Variants in CSMD1 observed in about 807,000 individuals in gnomAD.
CSMD1 encodes CUB and sushi domain-containing protein 1.
CSMD1 carries 213 observed loss-of-function variants against 417.5 expected under a neutral mutation model. The ratio of observed to expected loss-of-function variants is 0.51; its 90% confidence interval spans 0.46 to 0.57. The LOEUF (loss-of-function observed/expected upper bound fraction) is 0.57. Ranked by LOEUF, CSMD1 falls within the 20% of genes least tolerant of loss-of-function variation. The probability of loss-of-function intolerance (pLI) is 0.00; values close to 1 mark genes in which losing one functional copy is unlikely to be tolerated. For missense variants in CSMD1, 6,923 were observed against 4,529.7 expected (o/e 1.53, Z -15.17); for synonymous variants, 2,862 against 1,736.8 (o/e 1.65, Z -16.11).
chr8:3,238,144 G>C (rs1799272804), intron 26 of CSMD1, among the ~76,000 whole-genome samples: 1 of 151,858 alleles, frequency 6.6e-6, no homozygotes, highest in Non-Finnish European at 1.5e-5. Context: ...GGTACGTAAA[G>C]GAAAATTACA....
chr8:3,358,468 T>C (rs908063833), intron 21 of CSMD1, among the ~76,000 whole-genome samples: 1 of 152,212 alleles, frequency 6.6e-6, no homozygotes, highest in African/African-American at 2.4e-5. Flanking sequence ...ACGATTCTCC[T>C]TTGCTAAACT....
intron 3 of CSMD1, among the ~76,000 whole-genome samples, chr8:4,125,238 C>A (rs1023007702): frequency 6.6e-6 from 1 of 152,192 alleles, no homozygotes; most frequent in Non-Finnish European, 1.5e-5. Flanking sequence ...TAGGGCCAAC[C>A]TGCCTCCCAT....
chr8:4,101,131 C>T (rs1801283141), intron 3 of CSMD1, among the ~76,000 whole-genome samples: 1 of 152,186 alleles, frequency 6.6e-6, no homozygotes, highest in Non-Finnish European at 1.5e-5. Flanking sequence ...TTAAGGGCCT[C>T]AGCAGGACAC....
chr8:4,950,082 TATAA>T (rs1172760895), intron 1 of CSMD1, among the ~76,000 whole-genome samples: 4 of 148,836 alleles, frequency 2.7e-5, no homozygotes, highest in African/African-American at 9.8e-5. Flanking sequence ...AATATTTCTC[TATAA>T]ATATTTATAA....
At chr8:3,216,459 T>A (rs370910256) in intron 29 of CSMD1, among the ~76,000 whole-genome samples, 31 of 152,354 alleles carry the variant, frequency 2.0e-4, no homozygotes, top group African/African-American at 4.6e-4. Flanking sequence ...GTTGCTCTTG[T>A]GTCCTTTTTG....
intron 1 of CSMD1, among the ~76,000 whole-genome samples, chr8:4,865,630 T>A (rs1417397409): frequency 2.0e-5 from 3 of 151,942 alleles, no homozygotes; most frequent in Non-Finnish European, 2.9e-5. Flanking sequence ...TACGAAGATC[T>A]AAGTACAATG....
At chr8:3,426,743 G>C (rs186387162) in intron 12 of CSMD1, among the ~76,000 whole-genome samples, 1 of 152,208 alleles carries the variant, frequency 6.6e-6, no homozygotes, top group East Asian at 1.9e-4. Context: ...CTAAAATGTA[G>C]GCCTGACATA....
intron 1 of CSMD1, among the ~76,000 whole-genome samples, chr8:4,742,456 G>C (rs572967717): frequency 2.0e-5 from 3 of 152,080 alleles, no homozygotes; most frequent in Non-Finnish European, 2.9e-5. Flanking sequence ...GAGGTATTTG[G>C]TGTTTACTTT....
chr8:3,000,100 C>A lies in CSMD1; in HGVS notation c.8061G>T (p.Val2687=). The change falls in exon 53 of 70, where the codon GTG becomes GTT. Residue 2687 remains valine (V), a synonymous_variant. Transcript: ENST00000635120. The part of the protein sequence containing the change: ...AGHCGSPDPI[V]NGHISGDGFS... Reference sequence around the variant, plus strand: ...AGCCATCTCCACTAATGTGACCGTTCACAATCGGGTCTGGGGAACCGCAGT... The same window carrying A: ...AGCCATCTCCACTAATGTGACCGTTAACAATCGGGTCTGGGGAACCGCAGT... 1.9e-6 allele frequency: 3 copies of A among 1,572,156 alleles called. No homozygotes were observed. The highest frequency in any genetic ancestry group is 1.2e-5 in the South Asian group (1 of 85,254).
At chr8:3,463,611 A>T (rs552648385) in intron 12 of CSMD1, among the ~76,000 whole-genome samples, 115 of 152,300 alleles carry the variant, frequency 7.6e-4, no homozygotes, top group African/African-American at 2.7e-3. Flanking sequence ...TTCTACAAGG[A>T]CCAGTGAGCT....
chr8:4,454,484 C>A (rs537126936), intron 2 of CSMD1, among the ~76,000 whole-genome samples: 6 of 152,154 alleles, frequency 3.9e-5, no homozygotes, highest in Non-Finnish European at 8.8e-5. Flanking sequence ...TATTTTGTTC[C>A]CCTAGTCACA....
chr8:4,287,328 A>G (rs911916187), intron 3 of CSMD1, among the ~76,000 whole-genome samples: 10 of 152,218 alleles, frequency 6.6e-5, no homozygotes, highest in African/African-American at 9.6e-5. Context: ...CATCTGGAGA[A>G]GTTACTTTAA....
rs183908933 is a variant in CSMD1 at position 3,592,016 on chromosome 8, G to T, written c.1098-5756C>A. On this transcript the variant is annotated intron_variant, in intron 8 of 69. Transcript: ENST00000635120. ...AAGACGGATGGATAGATGATAGGTAGATAGATACATAAATAGATGACAGAC... is the reference window on the plus strand; with the variant it reads ...AAGACGGATGGATAGATGATAGGTATATAGATACATAAATAGATGACAGAC... Among the ~76,000 whole-genome samples the T allele has an allele frequency of 2.1e-4, 32 of 152,186 alleles. No individual in the cohort carries two copies. The East Asian group carries it at 5.0e-3, about 24-fold the overall frequency.
chr8:3,892,958 A>G (rs907253758), intron 5 of CSMD1, among the ~76,000 whole-genome samples: 1 of 112,430 alleles, frequency 8.9e-6, no homozygotes, highest in Non-Finnish European at 2.1e-5. Context: ...CTCAAGTCTG[A>G]CCACAGTGAT....
chr8:4,039,446 G>C (rs1213285326), intron 3 of CSMD1, among the ~76,000 whole-genome samples: 1 of 152,172 alleles, frequency 6.6e-6, no homozygotes, highest in Non-Finnish European at 1.5e-5. Context: ...GGATTTCCTA[G>C]TCTTGAAACC....
At chr8:3,212,830 A>G (rs1236012339) in intron 30 of CSMD1, among the ~76,000 whole-genome samples, 2 of 76,522 alleles carry the variant, frequency 2.6e-5, no homozygotes, top group African/African-American at 6.7e-5. Context: ...TTTCTTATAT[A>G]CTTTTTTTTT....
At chr8:3,206,283 G>A (rs1269876824) in intron 30 of CSMD1, among the ~76,000 whole-genome samples, 2 of 144,930 alleles carry the variant, frequency 1.4e-5, no homozygotes, top group Non-Finnish European at 3.0e-5. Context: ...GTCTCTGTGT[G>A]TATGTGTGTG....
chr8:3,417,435 T>A (rs767460871), intron 12 of CSMD1, among the ~76,000 whole-genome samples: 29 of 152,250 alleles, frequency 1.9e-4, no homozygotes, highest in Non-Finnish European at 3.1e-4. Flanking sequence ...CTTATATGCT[T>A]ATTCGTATGA....
intron 3 of CSMD1, among the ~76,000 whole-genome samples, chr8:4,128,295 C>G (rs192587552): frequency 2.5e-3 from 373 of 152,178 alleles, no homozygotes; most frequent in African/African-American, 8.5e-3. Context: ...TGAGAAGACT[C>G]GTGAATTACT....
Sources: gnomAD v4.1 joint callset for allele counts (sites outside exome capture counted in the v4.1 genomes callset) on GRCh38, gnomAD v4.1.1 for gene constraint, MANE v1.5 for transcripts, NCBI Gene and HGNC (gene_info 2026-07-23, HGNC 2026-07-21) for gene names.